Variants in TM2D2 observed in about 807,000 individuals in gnomAD.
The protein encoded by TM2D2 is TM2 domain containing 2.
A neutral mutation model predicts 23.0 loss-of-function variants in TM2D2; 19 were observed. That is an observed-to-expected ratio of 0.82 (90% CI 0.58 to 1.21). The LOEUF is 1.21. TM2D2 is among the 50% of genes most tolerant of loss of function. The pLI, the probability that TM2D2 is intolerant of heterozygous loss-of-function variation, is 0.00. For synonymous variants in TM2D2, 120 were observed against 108.8 expected (o/e 1.10, Z -0.64); for missense variants, 246 against 265.4 (o/e 0.93, Z 0.51).
chr8:38,995,131 T>C (rs567493141), intron 2 of TM2D2, 187 bp downstream of exon 2: 2 of 503,006 alleles, frequency 4.0e-6, no homozygotes, highest in Non-Finnish European at 6.8e-6. Context: ...CAGAGATTGC[T>C]CCTTCATAAG....
rs1359296660 is a variant in TM2D2 at position 38,990,099 on chromosome 8, G to C, written c.*1233C>G. 2.0e-5 allele frequency: 3 copies of C among 152,314 alleles called. No individual in the cohort carries two copies. Among genetic ancestry groups the C allele is most frequent in the Non-Finnish European group, 2.9e-5 (2 of 68,020 alleles). The allele number at this position is 152,314 out of a possible 1,614,324, so 9.4% of individuals were successfully genotyped here. On this transcript the variant is annotated 3_prime_UTR_variant, in exon 4 of 4. Coordinates refer to ENST00000456397, the MANE Select transcript of TM2D2 (RefSeq NM_078473.3). ...GATCATCTGTTTTAAATTTTTTACA[G>C]AAAATTGCCACCTTTAATAATGTAA...
At chr8:38,996,138 C>A in intron 1 of TM2D2, 75 bp downstream of exon 1, 2 of 1,511,806 alleles carry the variant, frequency 1.3e-6, no homozygotes, top group Non-Finnish European at 1.8e-6. Context: ...GTCCCCCCAA[C>A]CCTGCCTTCC....
chr8:38,996,892 G>T (rs1835824011), upstream of TM2D2: 5 of 1,462,824 alleles, frequency 3.4e-6, no homozygotes, highest in Non-Finnish European at 4.6e-6. Flanking sequence ...GAGCGAGCTC[G>T]GACCGAGGGC....
chr8:38,994,323 C>T (rs995565385), intron 2 of TM2D2, among the ~76,000 whole-genome samples: 1 of 152,078 alleles, frequency 6.6e-6, no homozygotes, highest in Non-Finnish European at 1.5e-5. Context: ...TTACTGGTAC[C>T]TTATATCAGT....
At position 38,996,454 on chromosome 8, in the gene TM2D2, G is replaced by C. The variant is rs752840135; in HGVS notation, c.-15C>G. 1.8e-5 allele frequency: 29 copies of C among 1,613,608 alleles called. No homozygotes were observed. The Middle Eastern group carries it at 4.9e-4, about 28-fold the overall frequency. On this transcript the variant is annotated 5_prime_UTR_variant, in exon 1 of 4. Transcript: ENST00000456397. ...CCTAGCACCATCTTCCCGGGCACAG[G>C]AGCGGAGACCCGGCCTCAACCACAA...
intron 2 of TM2D2, 150 bp from the exon 3 acceptor site, chr8:38,993,810 A>G (rs1198812694): frequency 2.0e-6 from 1 of 507,288 alleles, no homozygotes; most frequent in African/African-American, 1.9e-5. Context: ...AAGGGCAAGG[A>G]ATTTAGTGAC....
upstream of TM2D2, chr8:38,996,682 GCTC>G: frequency 7.0e-7 from 1 of 1,425,898 alleles, no homozygotes; most frequent in South Asian, 1.5e-5. Context: ...TGGGTCTCAT[GCTC>G]CTCCTTCTTT....
In TM2D2 at chr8:38,991,477, C is replaced by T. The variant is rs1835597142; in HGVS notation, c.500G>A (p.Arg167Gln). 5.0e-6 allele frequency: 8 copies of T among 1,612,616 alleles called. 1 individual carries two copies. The East Asian group carries it at 8.9e-5, about 18-fold the overall frequency. ...AGTGCCAGTGTGTCCCAAACAGAAT[C>T]GATCCACACCAAAACATCCCAGGAA... ...SFFLGCFGVD[R>Q]FCLGHTGTAV... Residue 167 changes from arginine to glutamine, a missense_variant, in exon 4 of 4, where the codon CGA (arginine) becomes CAA (glutamine). Around this residue, in one of 2 missense-constraint regions of TM2D2, gnomAD observed 34 missense variants for 63.2 expected, o/e 0.54. Coordinates refer to ENST00000456397, the MANE Select transcript of TM2D2 (RefSeq NM_078473.3).
intron 1 of TM2D2, 72 bp from the exon 2 acceptor site, chr8:38,995,477 C>G (rs1835739416): frequency 6.3e-7 from 1 of 1,591,960 alleles, no homozygotes; most frequent in Admixed American, 1.8e-5. Context: ...TGCACGTAAT[C>G]AAAACGGGCA....
intron 2 of TM2D2, among the ~76,000 whole-genome samples, chr8:38,994,869 G>A (rs1036119468): frequency 1.4e-4 from 21 of 152,180 alleles, no homozygotes; most frequent in African/African-American, 5.1e-4. Flanking sequence ...TGTCTCCTAC[G>A]GACATGGTGG....
At position 38,990,606 on chromosome 8, in the gene TM2D2, C is replaced by G. The variant is rs1835574186; in HGVS notation, c.*726G>C. 3 of 152,290 alleles carry G rather than the reference C, an allele frequency of 2.0e-5. No homozygotes were observed. Among genetic ancestry groups the G allele is most frequent in the South Asian group, 4.2e-4 (2 of 4,818 alleles). The allele number at this position is 152,290 out of a possible 1,614,324, so 9.4% of individuals were successfully genotyped here. A position where few individuals can be genotyped will look rare whatever the true frequency, so the allele number is the denominator to read the frequency against. On this transcript the variant is annotated 3_prime_UTR_variant, in exon 4 of 4. Transcript: ENST00000456397. ...TGGACAATTCTGCCAGGAGGAATAG[C>G]TCAACTCACACATCTGATGCCGCTG...
upstream of TM2D2, chr8:38,996,796 G>T (rs1216281324): frequency 1.4e-6 from 2 of 1,431,480 alleles, no homozygotes; most frequent in African/African-American, 1.4e-5. Flanking sequence ...GCCGACTAGT[G>T]CTGGTTGCCA....
Position 38,990,351 on chromosome 8 carries a change from T to C in TM2D2, c.*981A>G, listed in dbSNP as rs929871712. The stretch of plus-strand genomic sequence containing the variant: ...TGCCCACCTTTGATTTTATATTTAA[T>C]AGTTCTTTCAACTTAGATTGCAAAC... On this transcript the variant is annotated 3_prime_UTR_variant, in exon 4 of 4. Transcript: ENST00000456397. The C allele has an allele frequency of 6.6e-6, 1 of 152,252 alleles. No individual in the cohort carries two copies. Among genetic ancestry groups the C allele is most frequent in the Non-Finnish European group, 1.5e-5 (1 of 68,044 alleles). 9.4% of individuals were successfully genotyped at this position (152,252 alleles called of 1,614,324 possible).
intron 1 of TM2D2, 37 bp downstream of exon 1, chr8:38,996,176 C>A: frequency 6.3e-7 from 1 of 1,595,010 alleles, no homozygotes; most frequent in Non-Finnish European, 8.6e-7. Context: ...CCTGGCACAC[C>A]CTCCACGTCC....
Position 38,993,591 on chromosome 8 carries a change from A to G in TM2D2, c.385T>C (p.Cys129Arg), listed in dbSNP as rs746392531. The part of the protein sequence containing the change: ...VQCHALDGIE[C>R]ASPRTFLREN... ...CGTAGAAAGGTCCTAGGACTGGCACACTCAATTCCATCTAAGGCATGGCAC... is the reference window on the plus strand; with the variant it reads ...CGTAGAAAGGTCCTAGGACTGGCACGCTCAATTCCATCTAAGGCATGGCAC... The change falls in exon 3 of 4, where the codon TGT becomes CGT. Residue 129 changes from cysteine to arginine, a missense_variant. Cys to Arg is a radical substitution (Grantham distance 180). This residue lies in a region of TM2D2 where 212 missense variants were observed against 202.2 expected (regional missense o/e 1.05). Coordinates refer to ENST00000456397, the MANE Select transcript of TM2D2 (RefSeq NM_078473.3). The G allele has an allele frequency of 1.9e-6, 3 of 1,614,002 alleles. No homozygotes were observed. In the South Asian group the frequency reaches 3.3e-5, roughly 18 times the overall value.
intron 1 of TM2D2, 24 bp downstream of exon 1, chr8:38,996,189 C>A: frequency 1.2e-6 from 2 of 1,603,100 alleles, no homozygotes; most frequent in Non-Finnish European, 1.7e-6. Context: ...CCACGTCCAC[C>A]CGCCTCGACC....
At chr8:38,994,766 A>G (rs540900342) in intron 2 of TM2D2, among the ~76,000 whole-genome samples, 92 of 152,346 alleles carry the variant, frequency 6.0e-4, no homozygotes, top group African/African-American at 2.1e-3. Flanking sequence ...AAACCTTAAT[A>G]GCGTTTTTCC....
rs1040691121 is a variant in TM2D2 at position 38,991,270 on chromosome 8, T to C, written c.*62A>G. On this transcript the variant is annotated 3_prime_UTR_variant, in exon 4 of 4. Transcript: ENST00000456397. ...ATATCAAAGAGGAGTTTTGAGCCTG[T>C]AGAGATGAATTCAGAAGACGGAGCT... 43 of 1,354,108 alleles carry C rather than the reference T, an allele frequency of 3.2e-5. No individual in the cohort carries two copies. In the African/African-American group the frequency reaches 5.4e-4, roughly 17 times the overall value. The allele number at this position is 1,354,108 out of a possible 1,614,324, so 83.9% of individuals were successfully genotyped here.
rs916096520 is a variant in TM2D2, at chr8:38,993,601, A to G, written c.375T>C (p.Asp125=). The change falls in exon 3 of 4, where the codon GAT becomes GAC. Residue 125 remains aspartate (D), a synonymous_variant. Coordinates refer to ENST00000456397, the MANE Select transcript of TM2D2 (RefSeq NM_078473.3). ...EHTSVQCHAL[D]GIECASPRTF... ...TCCTAGGACTGGCACACTCAATTCC[A>G]TCTAAGGCATGGCACTGGACTGAAG... 1 of 1,613,940 alleles carries G rather than the reference A, an allele frequency of 6.2e-7. No homozygotes were observed. Among genetic ancestry groups the G allele is most frequent in the Non-Finnish European group, 8.5e-7 (1 of 1,179,920 alleles).
Sources: allele counts gnomAD v4.1 joint callset (sites outside exome capture counted in the v4.1 genomes callset), GRCh38; gene constraint gnomAD v4.1.1; regional missense constraint gnomAD v4.1.1; transcripts MANE v1.5; gene names NCBI Gene and HGNC (gene_info 2026-07-23, HGNC 2026-07-21).